RNF128: variants seen among roughly 807,000 people sequenced by gnomAD.
RNF128 encodes the protein ring finger protein 128.
A neutral mutation model predicts 26.2 loss-of-function variants in RNF128; 13 were observed. The ratio of observed to expected loss-of-function variants is 0.50; its 90% CI spans 0.32 to 0.79. RNF128 has a LOEUF of 0.79. Among genes scored for constraint, RNF128 ranks in the 30% least tolerant of loss-of-function variants. RNF128 has a pLI of 0.03. For synonymous variants in RNF128, 149 were observed against 142.5 expected, an observed-to-expected ratio of 1.05 and a Z score of -0.32; for missense variants, 315 against 349.7, an observed-to-expected ratio of 0.90 and a Z score of 0.79.
At chrX:106,769,286 G>A (rs1341061992) in intron 1 of RNF128, among the ~76,000 whole-genome samples, 3 of 110,903 alleles carry the variant, frequency 2.7e-5, no homozygotes, top group Admixed American at 1.9e-4. Flanking sequence ...TTACTGTCTC[G>A]TTGATCTGTC....
chrX:106,705,969 C>A (rs1000687198), intron 1 of RNF128, among the ~76,000 whole-genome samples: 1 of 111,850 alleles, frequency 8.9e-6, no homozygotes, highest in Non-Finnish European at 1.9e-5. Context: ...GATTGTTTCA[C>A]AAGGAATACA....
At chrX:106,758,027 G>T (rs1465190210) in intron 1 of RNF128, among the ~76,000 whole-genome samples, 1 of 112,295 alleles carries the variant, frequency 8.9e-6, no homozygotes, top group African/African-American at 3.2e-5. Context: ...TGATCTTATA[G>T]TTTGAAAAAC....
chrX:106,771,745 T>G (rs1930375718), intron 1 of RNF128, among the ~76,000 whole-genome samples: 2 of 112,730 alleles, frequency 1.8e-5, no homozygotes, highest in African/African-American at 6.4e-5. Context: ...CTGTACCCAC[T>G]TGTCTGGCAA....
upstream of RNF128, among the ~76,000 whole-genome samples, chrX:106,724,382 A>G (rs926435689): frequency 9.0e-6 from 1 of 110,973 alleles, no homozygotes. Context: ...TTATCCACAG[A>G]GAAGGATCTC....
chrX:106,780,042 A>G (rs1449343954), intron 2 of RNF128, among the ~76,000 whole-genome samples: 1 of 111,622 alleles, frequency 9.0e-6, no homozygotes, highest in Non-Finnish European at 1.9e-5. Context: ...TGACTTAAGT[A>G]CAGAAAAATC....
chrX:106,717,029 C>T (rs1281233611), intron 1 of RNF128, among the ~76,000 whole-genome samples: 4 of 109,803 alleles, frequency 3.6e-5, no homozygotes, highest in African/African-American at 1.3e-4. Context: ...GGTGAAACCC[C>T]GTCTCTACTA....
intron 1 of RNF128, among the ~76,000 whole-genome samples, chrX:106,740,917 T>C (rs1315285341): frequency 9.0e-6 from 1 of 111,716 alleles, no homozygotes; most frequent in Non-Finnish European, 1.9e-5. Context: ...CACCTTTTCT[T>C]ATCAAATAGT....
chrX:106,789,070 GTATATATACTATATAGTATATAGTA>G (rs1379439378), intron 4 of RNF128, among the ~76,000 whole-genome samples: 1 of 82,455 alleles, frequency 1.2e-5, no homozygotes, highest in South Asian at 5.1e-4. Flanking sequence ...ATACAATAGT[GTATATATACTATATAGTATATAGTA>G]TATATATACT....
intron 1 of RNF128, among the ~76,000 whole-genome samples, chrX:106,704,364 C>T (rs901305452): frequency 1.0e-5 from 1 of 97,198 alleles, no homozygotes; most frequent in Non-Finnish European, 2.0e-5. Context: ...ACCCGGGAGG[C>T]GGAGCTTGCA....
At chrX:106,752,192 C>G (rs1044667300) in intron 1 of RNF128, among the ~76,000 whole-genome samples, 16 of 110,702 alleles carry the variant, frequency 1.4e-4, no homozygotes, top group Admixed American at 3.8e-4. Flanking sequence ...ATTAAAGAAC[C>G]CTTGGGCCTT....
intron 1 of RNF128, among the ~76,000 whole-genome samples, chrX:106,710,311 C>T (rs1473385640): frequency 8.9e-6 from 1 of 111,954 alleles, no homozygotes; most frequent in Non-Finnish European, 1.9e-5. Flanking sequence ...TACTTTTGCA[C>T]CTGTTATATA....
intron 1 of RNF128, among the ~76,000 whole-genome samples, chrX:106,707,992 C>T (rs1280250366): frequency 9.0e-6 from 1 of 110,835 alleles, no homozygotes; most frequent in East Asian, 2.8e-4. Flanking sequence ...CATATCAGGC[C>T]CTCATTGATG....
At chrX:106,701,901 A>G (rs1174189168) in intron 1 of RNF128, among the ~76,000 whole-genome samples, 1 of 111,762 alleles carries the variant, frequency 8.9e-6, no homozygotes, top group African/African-American at 3.3e-5. Context: ...CAACTAAAGA[A>G]TGACACAGTT....
Position 106,763,559 on chromosome X carries a change from T to A in RNF128, c.485-9354T>A, listed in dbSNP as rs772724649. Among the ~76,000 whole-genome samples, 156 of 112,694 alleles carry A rather than the reference T, an allele frequency of 1.4e-3. 1 individual carries two copies. The highest frequency in any genetic ancestry group is 1.9e-3 in the Non-Finnish European group (99 of 53,290). ...TCTCGCTCTGTCGTCCAGGCTGGAG[T>A]GCACTGGCACGATCTTGGCTCACTG... On this transcript the variant is annotated intron_variant, in intron 1 of 6. Coordinates refer to ENST00000255499, the MANE Select transcript of RNF128 (RefSeq NM_194463.2).
At chrX:106,743,141 T>C (rs1473798136) in intron 1 of RNF128, among the ~76,000 whole-genome samples, 2 of 111,744 alleles carry the variant, frequency 1.8e-5, no homozygotes, top group African/African-American at 6.5e-5. Context: ...TCAGTCCTAT[T>C]TGGAAGATAT....
chrX:106,790,334 A>C (rs1392691465), intron 5 of RNF128, 52 bp downstream of exon 5: 1 of 790,212 alleles, frequency 1.3e-6, no homozygotes, highest in African/African-American at 2.1e-5. Flanking sequence ...GGCTTTGGAG[A>C]AAATAACAAA....
At chrX:106,767,585 A>T (rs992633489) in intron 1 of RNF128, among the ~76,000 whole-genome samples, 1 of 112,003 alleles carries the variant, frequency 8.9e-6, no homozygotes, top group African/African-American at 3.2e-5. Context: ...ACTTTGCTGA[A>T]GTTGCTTATC....
intron 1 of RNF128, among the ~76,000 whole-genome samples, chrX:106,770,813 T>A (rs924311729): frequency 8.0e-5 from 9 of 112,223 alleles, no homozygotes; most frequent in Non-Finnish European, 1.5e-4. Flanking sequence ...CTGCATTCCT[T>A]TGGAGGAGAA....
At chrX:106,774,320 G>T (rs929820909) in intron 2 of RNF128, among the ~76,000 whole-genome samples, 1 of 111,848 alleles carries the variant, frequency 8.9e-6, no homozygotes, top group Non-Finnish European at 1.9e-5. Flanking sequence ...TTTGTCTTCT[G>T]TTTTTATGGA....
Sources: allele counts gnomAD v4.1 joint callset (sites outside exome capture counted in the v4.1 genomes callset), GRCh38; gene constraint gnomAD v4.1.1; transcripts MANE v1.5; gene names NCBI Gene and HGNC (gene_info 2026-07-23, HGNC 2026-07-21).